Variants in SHISA9 observed in about 807,000 individuals in gnomAD.
SHISA9 encodes the protein shisa family member 9, also known as protein shisa-9.
SHISA9 carries 13 observed loss-of-function variants against 38.0 expected under a neutral mutation model. The ratio of observed to expected loss-of-function variants is 0.34; its 90% CI spans 0.22 to 0.54. The LOEUF is 0.54. Ranked by LOEUF, SHISA9 falls within the 20% of genes least tolerant of loss-of-function variation. The pLI is 0.91. For missense variants in SHISA9, 538 were observed against 575.8 expected (o/e 0.93, Z 0.67); for synonymous variants, 275 against 242.0 (o/e 1.14, Z -1.27).
At chr16:12,947,394 A>G (rs1332179315) in intron 2 of SHISA9, among the ~76,000 whole-genome samples, 1 of 152,182 alleles carries the variant, frequency 6.6e-6, no homozygotes, top group African/African-American at 2.4e-5. Context: ...AGGGGAGTGC[A>G]TGGTCTGGGG....
the SHISA9 span, among the ~76,000 whole-genome samples, chr16:13,517,931 C>T: frequency 6.6e-6 from 1 of 152,188 alleles, no homozygotes; most frequent in Admixed American, 6.5e-5. Flanking sequence ...TGTTTCCACC[C>T]AGGCAGGCAC....
intron 2 of SHISA9, among the ~76,000 whole-genome samples, chr16:12,928,312 G>GT (rs1567342265): frequency 1.2e-5 from 1 of 81,424 alleles, no homozygotes; most frequent in Non-Finnish European, 2.3e-5. Context: ...TGCAGAGGTT[G>GT]GTTGTGTGTG....
intron 2 of SHISA9, among the ~76,000 whole-genome samples, chr16:13,120,362 C>T (rs191981281): frequency 6.6e-6 from 1 of 152,108 alleles, no homozygotes; most frequent in South Asian, 2.1e-4. Context: ...GGGGATTGCA[C>T]AGCAAACATC....
chr16:13,356,329 C>T, the SHISA9 span, among the ~76,000 whole-genome samples: 1 of 152,138 alleles, frequency 6.6e-6, no homozygotes, highest in Non-Finnish European at 1.5e-5. Context: ...TGTAAAGTGT[C>T]TCACGGTTGC....
chr16:13,440,194 T>C, the SHISA9 span, among the ~76,000 whole-genome samples: 21 of 152,242 alleles, frequency 1.4e-4, no homozygotes, highest in Non-Finnish European at 2.1e-4. Context: ...GGGTGGAAGG[T>C]TCATTCTGAA....
At chr16:13,354,064 C>T in the SHISA9 span, among the ~76,000 whole-genome samples, 2 of 147,500 alleles carry the variant, frequency 1.4e-5, no homozygotes, top group African/African-American at 2.5e-5. Context: ...TTATCTGACT[C>T]AGGGCATGTT....
chr16:13,246,714 G>A, the SHISA9 span, among the ~76,000 whole-genome samples: 4 of 152,136 alleles, frequency 2.6e-5, no homozygotes, highest in Non-Finnish European at 5.9e-5. Context: ...CCAACTGGAC[G>A]TTATGTGAGT....
chr16:12,970,495 ATATTTTTTTTTTTTTTTTTT>A (rs2072065414), intron 2 of SHISA9, among the ~76,000 whole-genome samples: 1 of 24,642 alleles, frequency 4.1e-5, no homozygotes, highest in Admixed American at 1.0e-3. Context: ...ATATATATAT[ATATTTTTTTTTTTTTTTTTT>A]TTTTTTTTTT....
At chr16:13,171,668 T>A (rs1205591104) in intron 2 of SHISA9, among the ~76,000 whole-genome samples, 2 of 149,554 alleles carry the variant, frequency 1.3e-5, no homozygotes, top group Non-Finnish European at 3.0e-5. Context: ...GCTAAAAGTT[T>A]AGCAAAGAGC....
chr16:13,240,495 A>G (rs578087739), downstream of SHISA9: 1 of 152,230 alleles, frequency 6.6e-6, no homozygotes, highest in Admixed American at 6.5e-5. Flanking sequence ...CAATATTAGC[A>G]TAGAGAATGA....
At chr16:13,107,727 A>G (rs1405812521) in intron 2 of SHISA9, among the ~76,000 whole-genome samples, 1 of 152,122 alleles carries the variant, frequency 6.6e-6, no homozygotes, top group Non-Finnish European at 1.5e-5. Context: ...CTTAACTGTC[A>G]TGAGAATAGA....
intron 2 of SHISA9, among the ~76,000 whole-genome samples, chr16:13,195,695 T>C (rs942725423): frequency 2.6e-5 from 4 of 152,210 alleles, no homozygotes; most frequent in Non-Finnish European, 5.9e-5. Flanking sequence ...GTCATTATAG[T>C]ACATATTTTT....
At chr16:13,410,634 T>G in the SHISA9 span, among the ~76,000 whole-genome samples, 1 of 152,218 alleles carries the variant, frequency 6.6e-6, no homozygotes, top group Non-Finnish European at 1.5e-5. Context: ...CCAGAAACTT[T>G]AACACTGGAG....
intron 2 of SHISA9, among the ~76,000 whole-genome samples, chr16:12,991,133 C>A (rs1039874626): frequency 2.0e-5 from 3 of 151,984 alleles, no homozygotes; most frequent in Admixed American, 1.3e-4. Context: ...AGTTGAATAC[C>A]TTTTTATATG....
rs376899144 is a variant in SHISA9, at chr16:13,025,850, T to G, written c.691+109035T>G. The stretch of plus-strand genomic sequence containing the variant: ...GATGGAGTTTTCCTCTTGTTGCCCA[T>G]GCTGGAGTACAATGGTGTGATCCTG... On this transcript the variant is annotated intron_variant, in intron 2 of 4. Coordinates refer to ENST00000558583, the MANE Select transcript of SHISA9 (RefSeq NM_001145204.3). Among the ~76,000 whole-genome samples, 84 of 152,226 alleles carry G rather than the reference T, an allele frequency of 5.5e-4. 2 individuals are homozygous for G. The East Asian group carries it at 6.0e-3, about 11-fold the overall frequency.
the SHISA9 span, among the ~76,000 whole-genome samples, chr16:13,447,814 C>T: frequency 1.3e-5 from 2 of 152,238 alleles, no homozygotes; most frequent in East Asian, 1.9e-4. Flanking sequence ...AATGTGATTA[C>T]TGTAGTGGGT....
chr16:12,970,404 C>CATATATATATACATATATGT (rs1567357057), intron 2 of SHISA9, among the ~76,000 whole-genome samples: 685 of 11,712 alleles, frequency 0.058, 56 homozygotes, highest in Middle Eastern at 0.21. Flanking sequence ...TATATATATA[C>CATATATATATACATATATGT]ATATATATAT....
At chr16:13,000,166 A>G (rs1437926321) in intron 2 of SHISA9, among the ~76,000 whole-genome samples, 1 of 151,662 alleles carries the variant, frequency 6.6e-6, no homozygotes, top group Non-Finnish European at 1.5e-5. Context: ...CGTCCCTGAA[A>G]CCAAATTCAG....
intron 2 of SHISA9, among the ~76,000 whole-genome samples, chr16:13,185,540 G>A (rs1303596063): frequency 6.6e-6 from 1 of 152,096 alleles, no homozygotes; most frequent in African/African-American, 2.4e-5. Flanking sequence ...TTAGAAATTT[G>A]GCATAGGAGG....
Sources: allele counts gnomAD v4.1 joint callset (sites outside exome capture counted in the v4.1 genomes callset), GRCh38; gene constraint gnomAD v4.1.1; transcripts MANE v1.5; gene names NCBI Gene and HGNC (gene_info 2026-07-23, HGNC 2026-07-21).